CNTNAP2: variants seen among roughly 807,000 people sequenced by gnomAD.
CNTNAP2 encodes contactin associated protein 2, also known as contactin-associated protein-like 2.
CNTNAP2 carries 98 observed loss-of-function variants against 155.2 expected under a neutral mutation model. The observed-to-expected ratio is 0.63, with a 90% CI of 0.54 to 0.75. The LOEUF (loss-of-function observed/expected upper bound fraction) is 0.75, where lower values mean the gene tolerates loss of function less well. CNTNAP2 is among the 30% of genes least tolerant of loss of function. CNTNAP2 has a pLI of 0.00. For synonymous variants in CNTNAP2, 651 were observed against 631.2 expected (o/e 1.03, Z -0.47); for missense variants, 1,727 against 1,688.1 (o/e 1.02, Z -0.40).
In CNTNAP2 at chr7:148,353,303, T is replaced by C. The variant is rs148470608; in HGVS notation, c.3476-30346T>C. Among the ~76,000 whole-genome samples, 121 of 152,364 alleles carry C rather than the reference T, an allele frequency of 7.9e-4. 2 individuals are homozygous for C. In the East Asian group the frequency reaches 0.023, roughly 29 times the overall value. The stretch of plus-strand genomic sequence containing the variant: ...TGAGGATTTTACTGGATACTGCAGA[T>C]GCACTTCCACATCGGCATGGGTTCA... On this transcript the variant is annotated intron_variant, in intron 21 of 23. Transcript: ENST00000361727.
At chr7:147,927,351 T>G (rs1036229109) in intron 14 of CNTNAP2, among the ~76,000 whole-genome samples, 1 of 152,188 alleles carries the variant, frequency 6.6e-6, no homozygotes. Flanking sequence ...TTGAAATACT[T>G]TCAGTATTAG....
intron 1 of CNTNAP2, among the ~76,000 whole-genome samples, chr7:146,666,664 C>T (rs985401990): frequency 1.3e-5 from 2 of 152,070 alleles, no homozygotes; most frequent in Non-Finnish European, 2.9e-5. Flanking sequence ...GCATTGGTTA[C>T]GTTTTGTCTT....
At chr7:147,494,944 A>G (rs530457031) in intron 11 of CNTNAP2, among the ~76,000 whole-genome samples, 25 of 152,200 alleles carry the variant, frequency 1.6e-4, no homozygotes, top group African/African-American at 5.8e-4. Context: ...AACTTGGTGT[A>G]CAGGATTATC....
intron 1 of CNTNAP2, among the ~76,000 whole-genome samples, chr7:146,389,732 A>C (rs1584902190): frequency 8.6e-6 from 1 of 116,822 alleles, no homozygotes; most frequent in African/African-American, 3.4e-5. Flanking sequence ...ACAGAGTCTT[A>C]CTCTGTCACT....
At chr7:148,254,858 G>T (rs911985161) in intron 20 of CNTNAP2, among the ~76,000 whole-genome samples, 2 of 150,536 alleles carry the variant, frequency 1.3e-5, no homozygotes, top group Non-Finnish European at 2.9e-5. Flanking sequence ...TTTCAAAAGC[G>T]ACTCTTCCTA....
At chr7:148,399,668 T>C (rs568800953) in intron 22 of CNTNAP2, among the ~76,000 whole-genome samples, 1 of 152,318 alleles carries the variant, frequency 6.6e-6, no homozygotes, top group South Asian at 2.1e-4. Context: ...TTCAAAATAA[T>C]AGTAAATAAT....
At chr7:147,034,833 T>G (rs569394476) in intron 3 of CNTNAP2, among the ~76,000 whole-genome samples, 26 of 152,260 alleles carry the variant, frequency 1.7e-4, no homozygotes, top group Admixed American at 3.3e-4. Context: ...GTCCAGACAC[T>G]TGTGGCTGTG....
chr7:148,221,125 T>C (rs1343953696), intron 19 of CNTNAP2, among the ~76,000 whole-genome samples: 2 of 152,166 alleles, frequency 1.3e-5, no homozygotes, highest in Non-Finnish European at 2.9e-5. Context: ...GCCACTGCTG[T>C]GCCCTCATGC....
At chr7:146,733,021 A>G (rs1330252842) in intron 1 of CNTNAP2, among the ~76,000 whole-genome samples, 1 of 152,134 alleles carries the variant, frequency 6.6e-6, no homozygotes, top group Non-Finnish European at 1.5e-5. Flanking sequence ...AAAAGTTGAT[A>G]TTCTAATCAT....
chr7:148,015,511 G>T (rs1221137037), intron 15 of CNTNAP2, among the ~76,000 whole-genome samples: 1 of 152,168 alleles, frequency 6.6e-6, no homozygotes, highest in East Asian at 1.9e-4. Context: ...GAGCATTTTT[G>T]CTGCTACTGT....
intron 3 of CNTNAP2, among the ~76,000 whole-genome samples, chr7:146,993,726 G>A (rs537527855): frequency 9.9e-5 from 15 of 152,112 alleles, no homozygotes; most frequent in African/African-American, 3.4e-4. Flanking sequence ...TCATGAAGTT[G>A]TACATATTAA....
At chr7:147,181,433 T>G (rs1174422108) in intron 8 of CNTNAP2, among the ~76,000 whole-genome samples, 1 of 152,238 alleles carries the variant, frequency 6.6e-6, no homozygotes, top group African/African-American at 2.4e-5. Context: ...CTTAAAATCT[T>G]TGGTAAGTTT....
intron 16 of CNTNAP2, among the ~76,000 whole-genome samples, chr7:148,122,303 A>G (rs60974163): frequency 0.029 from 4,348 of 152,280 alleles, 204 homozygotes; most frequent in African/African-American, 0.098. Context: ...AACAGATAGC[A>G]AGAAAGAGGC....
intron 8 of CNTNAP2, among the ~76,000 whole-genome samples, chr7:147,144,236 T>C (rs915211822): frequency 6.6e-6 from 1 of 152,216 alleles, no homozygotes; most frequent in Non-Finnish European, 1.5e-5. Context: ...GATTACTGTT[T>C]AGAAAACCAA....
chr7:147,480,285 C>G (rs953022059), intron 10 of CNTNAP2, among the ~76,000 whole-genome samples: 1 of 152,182 alleles, frequency 6.6e-6, no homozygotes, highest in Non-Finnish European at 1.5e-5. Context: ...ATGGGCCAAT[C>G]ATTTACAAAA....
At chr7:147,094,299 G>C (rs967150592) in intron 4 of CNTNAP2, among the ~76,000 whole-genome samples, 1 of 152,174 alleles carries the variant, frequency 6.6e-6, no homozygotes, top group East Asian at 1.9e-4. Context: ...TAAGAAGATT[G>C]AGGTTCTTTC....
At chr7:146,442,985 T>C (rs973984139) in intron 1 of CNTNAP2, among the ~76,000 whole-genome samples, 15 of 151,840 alleles carry the variant, frequency 9.9e-5, no homozygotes, top group African/African-American at 3.1e-4. Flanking sequence ...GGCGGGCAGA[T>C]CACCAGGTCA....
intron 1 of CNTNAP2, among the ~76,000 whole-genome samples, chr7:146,438,081 G>A (rs1796268723): frequency 6.6e-6 from 1 of 151,126 alleles, no homozygotes; most frequent in South Asian, 2.1e-4. Flanking sequence ...AGGAGTTCAG[G>A]GTTTGCTATC....
chr7:148,266,971 G>A (rs1796682324), intron 20 of CNTNAP2, 62 bp from the exon 21 acceptor site: 6 of 1,463,798 alleles, frequency 4.1e-6, no homozygotes, highest in Non-Finnish European at 5.8e-6. Flanking sequence ...CCACAGGGAA[G>A]ATTTGGTTCC....
Sources: allele counts gnomAD v4.1 joint callset (sites outside exome capture counted in the v4.1 genomes callset), GRCh38; gene constraint gnomAD v4.1.1; transcripts MANE v1.5; gene names NCBI Gene and HGNC (gene_info 2026-07-23, HGNC 2026-07-21).